Variants in FARS2 observed in about 807,000 individuals in gnomAD.
The protein encoded by FARS2 is phenylalanine--tRNA ligase, mitochondrial.
Under a neutral mutation model 46.4 loss-of-function variants are expected in FARS2, and 40 were observed. The observed-to-expected ratio is 0.86, with a 90% CI of 0.67 to 1.12. The LOEUF is 1.12. Ranked by LOEUF, FARS2 falls within the 50% of genes most tolerant of loss-of-function variation. The pLI, the probability that FARS2 is intolerant of heterozygous loss-of-function variation, is 0.00. For missense variants in FARS2, 513 were observed against 567.9 expected (o/e 0.90, Z 0.98); for synonymous variants, 234 against 214.9 (o/e 1.09, Z -0.78).
At chr6:5,356,624 G>A (rs952692117) in intron 1 of FARS2, among the ~76,000 whole-genome samples, 1 of 152,154 alleles carries the variant, frequency 6.6e-6, no homozygotes, top group East Asian at 1.9e-4. Flanking sequence ...GGCTGTGAGT[G>A]CAATGTTCAT....
At chr6:5,681,861 T>C (rs1779050102) in intron 6 of FARS2, among the ~76,000 whole-genome samples, 2 of 152,234 alleles carry the variant, frequency 1.3e-5, no homozygotes, top group African/African-American at 2.4e-5. Context: ...TGTTTGGTGC[T>C]TGAAGTCATT....
chr6:5,644,249 C>T (rs1776964708), intron 6 of FARS2, among the ~76,000 whole-genome samples: 1 of 151,836 alleles, frequency 6.6e-6, no homozygotes, highest in East Asian at 1.9e-4. Flanking sequence ...GACAGGGTCT[C>T]ACTCTGTCAC....
chr6:5,614,274 C>A (rs1328088580), intron 6 of FARS2, among the ~76,000 whole-genome samples: 1 of 152,182 alleles, frequency 6.6e-6, no homozygotes, highest in Non-Finnish European at 1.5e-5. Context: ...GAAACAGTCA[C>A]CAAATCCTGT....
rs138088380 is a variant in FARS2 at position 5,426,857 on chromosome 6, C to G, written c.773-4184C>G. Reference sequence around the variant, plus strand: ...GCAAGGCTGGTCTCGAACTCCTGATCTTAACTAATCTGTCCGCCTCAGCCT... The same window carrying G: ...GCAAGGCTGGTCTCGAACTCCTGATGTTAACTAATCTGTCCGCCTCAGCCT... On this transcript the variant is annotated intron_variant, in intron 3 of 6. Transcript: ENST00000274680. 5.9e-5 allele frequency among the ~76,000 whole-genome samples: 9 copies of G among 152,284 alleles called. No individual in the cohort carries two copies. The East Asian group carries it at 1.7e-3, about 29-fold the overall frequency.
intron 4 of FARS2, among the ~76,000 whole-genome samples, chr6:5,437,167 T>G (rs1763571756): frequency 6.6e-6 from 1 of 152,230 alleles, no homozygotes; most frequent in African/African-American, 2.4e-5. Flanking sequence ...CAGTGTGTAT[T>G]CATTATACCT....
At chr6:5,521,574 G>T (rs1177282055) in intron 4 of FARS2, among the ~76,000 whole-genome samples, 2 of 152,136 alleles carry the variant, frequency 1.3e-5, no homozygotes, top group African/African-American at 4.8e-5. Flanking sequence ...GAAAGCCACT[G>T]CTTGAACAAA....
rs755030144 is a variant in FARS2 at position 5,765,581 on chromosome 6, G to A, written c.1218-5710G>A. 5.7e-4 allele frequency among the ~76,000 whole-genome samples: 87 copies of A among 152,308 alleles called. No homozygotes were observed. The highest frequency in any genetic ancestry group is 6.0e-4 in the Non-Finnish European group (41 of 68,022). On this transcript the variant is annotated intron_variant, in intron 6 of 6. Coordinates refer to ENST00000274680, the MANE Select transcript of FARS2 (RefSeq NM_006567.5). This position sits in a 1 kb window ranked among gnomAD's most constrained non-coding sequence, Gnocchi z 4.0. ...TGCCGCACTGTACTAGACAAACAGCGCGTGTCAGTGTTCTCGGGGAGGTGG... is the reference window on the plus strand; with the variant it reads ...TGCCGCACTGTACTAGACAAACAGCACGTGTCAGTGTTCTCGGGGAGGTGG...
At chr6:5,629,038 T>C (rs1329017922) in intron 6 of FARS2, among the ~76,000 whole-genome samples, 1 of 152,236 alleles carries the variant, frequency 6.6e-6, no homozygotes, top group Non-Finnish European at 1.5e-5. Flanking sequence ...GAAAATGGCT[T>C]TTTTCCTTAT....
At chr6:5,317,772 C>G (rs377477430) in intron 1 of FARS2, among the ~76,000 whole-genome samples, 1 of 151,356 alleles carries the variant, frequency 6.6e-6, no homozygotes, top group Non-Finnish European at 1.5e-5. Flanking sequence ...AAAGCAAAGA[C>G]CCTATCTCAA....
At chr6:5,481,836 C>T (rs1582231130) in intron 4 of FARS2, among the ~76,000 whole-genome samples, 1 of 152,028 alleles carries the variant, frequency 6.6e-6, no homozygotes, top group Admixed American at 6.6e-5. Context: ...GATCCACTCT[C>T]GTGGTCTGCT....
At chr6:5,331,948 C>T (rs1770827583) in intron 1 of FARS2, among the ~76,000 whole-genome samples, 1 of 152,172 alleles carries the variant, frequency 6.6e-6, no homozygotes, top group Non-Finnish European at 1.5e-5. Flanking sequence ...GCTCCCATTT[C>T]CTGAGCCCTA....
At chr6:5,423,389 C>T (rs78889397) in intron 3 of FARS2, among the ~76,000 whole-genome samples, 3 of 151,872 alleles carry the variant, frequency 2.0e-5, no homozygotes, top group South Asian at 2.1e-4. Flanking sequence ...GGTAGAGAAA[C>T]GATCATATCA....
At position 5,482,146 on chromosome 6, in the gene FARS2, TG is replaced by T. The variant is rs200501265; in HGVS notation, c.904+50975del. On this transcript the variant is annotated intron_variant, in intron 4 of 6. Transcript: ENST00000274680. ...TTGCCAGCTTACATCTTTTTTTTTT[TG>T]AATCAGATGGAAAATAAATAAATGC... Among the ~76,000 whole-genome samples, 400 of 149,672 alleles carry T rather than the reference TG, an allele frequency of 2.7e-3. 2 individuals carry two copies. Among genetic ancestry groups the T allele is most frequent in the Middle Eastern group, 0.014 (4 of 290 alleles).
At chr6:5,251,806 G>C in the FARS2 span, among the ~76,000 whole-genome samples, 1 of 152,178 alleles carries the variant, frequency 6.6e-6, no homozygotes, top group African/African-American at 2.4e-5. Context: ...ACTGTTAAAA[G>C]ATCCGCAACA....
intron 6 of FARS2, among the ~76,000 whole-genome samples, chr6:5,751,722 C>G (rs997588810): frequency 2.0e-5 from 3 of 152,236 alleles, no homozygotes; most frequent in Non-Finnish European, 4.4e-5. Context: ...TTCTATGGCT[C>G]TGATTCCACA....
chr6:5,749,982 T>C (rs1292275700), intron 6 of FARS2, among the ~76,000 whole-genome samples: 1 of 152,090 alleles, frequency 6.6e-6, no homozygotes, highest in African/African-American at 2.4e-5. Context: ...AGTAAGGAAG[T>C]TTGTTCATTT....
At chr6:5,722,984 G>A (rs1760008073) in intron 6 of FARS2, among the ~76,000 whole-genome samples, 1 of 152,174 alleles carries the variant, frequency 6.6e-6, no homozygotes, top group African/African-American at 2.4e-5. Flanking sequence ...GAAGTCAAGG[G>A]AGCAATAAAC....
intron 2 of FARS2, among the ~76,000 whole-genome samples, chr6:5,392,798 A>G (rs1299936051): frequency 2.1e-5 from 3 of 143,710 alleles, no homozygotes; most frequent in Non-Finnish European, 3.1e-5. Context: ...ATATATACAT[A>G]TATGTATGTG....
At chr6:5,573,696 C>T (rs921195529) in intron 5 of FARS2, among the ~76,000 whole-genome samples, 14 of 152,282 alleles carry the variant, frequency 9.2e-5, no homozygotes, top group African/African-American at 3.4e-4. Context: ...CCTCCGACAA[C>T]GTTTAAGTGC....
Sources: allele counts gnomAD v4.1 joint callset (sites outside exome capture counted in the v4.1 genomes callset), GRCh38; gene constraint gnomAD v4.1.1; non-coding constraint Gnocchi (gnomAD v3.1); transcripts MANE v1.5; gene names NCBI Gene and HGNC (gene_info 2026-07-23, HGNC 2026-07-21).